The following CLEC2L variants were observed in gnomAD, a reference collection of about 807,000 sequenced individuals.
The protein encoded by CLEC2L is C-type lectin domain family 2 member L.
A neutral mutation model predicts 23.6 loss-of-function variants in CLEC2L; 14 were observed. The ratio of observed to expected loss-of-function variants is 0.59; its 90% CI spans 0.39 to 0.93. The LOEUF (loss-of-function observed/expected upper bound fraction) is 0.93. Among genes scored for constraint, CLEC2L ranks in the 40% least tolerant of loss-of-function variants. The probability of loss-of-function intolerance (pLI) is 0.00; values close to 1 mark genes in which losing one functional copy is unlikely to be tolerated. For synonymous variants in CLEC2L, 114 were observed against 121.3 expected (o/e 0.94, Z 0.40); for missense variants, 264 against 282.4 (o/e 0.93, Z 0.47).
chr7:139,524,107 G>A lies in CLEC2L; in HGVS notation c.180G>A (p.Ala60=). 5.7e-6 allele frequency: 7 copies of A among 1,227,656 alleles called. No homozygotes were observed. The highest frequency in any genetic ancestry group is 7.1e-6 in the Non-Finnish European group (7 of 982,654). 76.0% of individuals were successfully genotyped at this position (1,227,656 alleles called of 1,614,324 possible). A position where few individuals can be genotyped will look rare whatever the true frequency, so the allele number is the denominator to read the frequency against. ...SGYEGSTSWK[A]ALEDTTTRLL... is the part of the protein sequence containing the mutation. ...ACGAGGGCAGCACCAGCTGGAAGGC[G>A]GCCTTGGAGGGTAAGCGCGGAGCGG... is the stretch of plus-strand genomic sequence containing the variant. Residue 60 remains alanine (A), a synonymous_variant, in exon 1 of 5, where the codon GCG becomes GCA. Coordinates refer to ENST00000422142, the MANE Select transcript of CLEC2L (RefSeq NM_001080511.4).
At chr7:139,534,169 A>T in intron 1 of CLEC2L, 1 of 710,250 alleles carries the variant, frequency 1.4e-6, no homozygotes, top group Non-Finnish European at 2.6e-6. Flanking sequence ...TGATGGAGTT[A>T]GTCTTTCCTC....
intron 3 of CLEC2L, among the ~76,000 whole-genome samples, chr7:139,541,328 G>GA (rs540650022): frequency 0.083 from 12,013 of 144,062 alleles, 1,539 homozygotes; most frequent in African/African-American, 0.27. Flanking sequence ...GTCTCTTAAG[G>GA]AAAAAAAAAA....
chr7:139,542,737 A>G (rs1797754955), intron 4 of CLEC2L, among the ~76,000 whole-genome samples: 1 of 152,056 alleles, frequency 6.6e-6, no homozygotes, highest in South Asian at 2.1e-4. Flanking sequence ...GTAAGACTCA[A>G]GTGGAGTGGA....
At chr7:139,530,600 G>T (rs1417928153) in intron 1 of CLEC2L, among the ~76,000 whole-genome samples, 1 of 152,206 alleles carries the variant, frequency 6.6e-6, no homozygotes, top group East Asian at 1.9e-4. Flanking sequence ...ATCACCTGAG[G>T]TCAGGAGTTT....
At chr7:139,529,994 G>A (rs1569426077) in intron 1 of CLEC2L, among the ~76,000 whole-genome samples, 1 of 151,612 alleles carries the variant, frequency 6.6e-6, no homozygotes, top group African/African-American at 2.4e-5. Context: ...CTTGAGCCTG[G>A]GAGGTGGATG....
At chr7:139,537,833 A>G (rs1002504293) in intron 2 of CLEC2L, among the ~76,000 whole-genome samples, 12 of 152,238 alleles carry the variant, frequency 7.9e-5, no homozygotes, top group Admixed American at 3.9e-4. Context: ...CCTGAGAAAC[A>G]TAGAGTGTGT....
chr7:139,539,414 C>T lies in CLEC2L; in HGVS notation c.266-907C>T, dbSNP rs1797703672. On this transcript the variant is annotated intron_variant, in intron 2 of 4. Coordinates refer to ENST00000422142, the MANE Select transcript of CLEC2L (RefSeq NM_001080511.4). The surrounding 1 kb of genome is among the most constrained non-coding windows in gnomAD (Gnocchi z 4.1). The stretch of plus-strand genomic sequence containing the variant: ...AACAATCTAAGATTGTGGATTAATT[C>T]CTTTTGGCAAGGAGGCCCTTTGAGA... 1 of 152,178 alleles carries T rather than the reference C, an allele frequency of 6.6e-6. No individual in the cohort carries two copies. The highest frequency in any genetic ancestry group is 2.4e-5 in the African/African-American group (1 of 41,440). The allele number at this position is 152,178 out of a possible 1,614,324, so 9.4% of individuals were successfully genotyped here.
In CLEC2L at chr7:139,539,496, C is replaced by T. The variant is rs902944319; in HGVS notation, c.266-825C>T. 1.3e-4 allele frequency: 20 copies of T among 152,288 alleles called. No homozygotes were observed. Among genetic ancestry groups the T allele is most frequent in the Admixed American group, 7.2e-4 (11 of 15,296 alleles). 9.4% of individuals were successfully genotyped at this position (152,288 alleles called of 1,614,324 possible). ...GTATGCACATACCCGCCGATCTGTT[C>T]GTGGAAGCAGTCTGCAGACTGGAGA... On this transcript the variant is annotated intron_variant, in intron 2 of 4. Transcript: ENST00000422142. The surrounding 1 kb of genome is among the most constrained non-coding windows in gnomAD (Gnocchi z 4.1).
intron 1 of CLEC2L, among the ~76,000 whole-genome samples, chr7:139,531,933 GA>G (rs1470797451): frequency 4.6e-5 from 7 of 151,002 alleles, no homozygotes; most frequent in Non-Finnish European, 1.0e-4. Flanking sequence ...AAAAGAAAAA[GA>G]AAAAAAATTT....
chr7:139,524,220 G>A, intron 1 of CLEC2L, 103 bp downstream of exon 1: 4 of 1,040,092 alleles, frequency 3.8e-6, no homozygotes, highest in Non-Finnish European at 4.6e-6. Context: ...GTCCCGGAGG[G>A]GAGCGCTGGG....
Position 139,534,449 on chromosome 7 carries a change from G to A in CLEC2L, c.191-1825G>A, listed in dbSNP as rs923438607. On this transcript the variant is annotated intron_variant, in intron 1 of 4. Transcript: ENST00000422142. The stretch of plus-strand genomic sequence containing the variant: ...ATGATCTGGCAGACCTCAGCTGCCT[G>A]GTTTACCGAGCTGATACCCAGACAT... 53 of 838,902 alleles carry A rather than the reference G, an allele frequency of 6.3e-5. No homozygotes were observed. The East Asian group carries it at 1.0e-3, about 16-fold the overall frequency. 52.0% of individuals were successfully genotyped at this position (838,902 alleles called of 1,614,324 possible).
chr7:139,536,278 C>T lies in CLEC2L; in HGVS notation c.195C>T (p.Thr65=). 1 of 1,551,352 alleles carries T rather than the reference C, an allele frequency of 6.4e-7. No homozygotes were observed. Among genetic ancestry groups the T allele is most frequent in the Non-Finnish European group, 8.7e-7 (1 of 1,146,786 alleles). ...STSWKAALED[T]TTRLLLGAIA... is the part of the protein sequence containing the mutation. ...AACCCCTCTCTCTTCTCCTAGACACCACCACACGCCTCCTGCTGGGTGCCA... is the reference window on the plus strand; with the variant it reads ...AACCCCTCTCTCTTCTCCTAGACACTACCACACGCCTCCTGCTGGGTGCCA... The change falls in exon 2 of 5, where the codon ACC becomes ACT. Residue 65 remains threonine (T), a synonymous_variant. Coordinates refer to ENST00000422142, the MANE Select transcript of CLEC2L (RefSeq NM_001080511.4).
intron 1 of CLEC2L, among the ~76,000 whole-genome samples, chr7:139,526,748 G>A (rs372814236): frequency 6.6e-6 from 1 of 152,216 alleles, no homozygotes. Context: ...AGGCCCTGGA[G>A]TGTGGGCTGT....
At chr7:139,541,702 G>C (rs1438803630) in intron 3 of CLEC2L, among the ~76,000 whole-genome samples, 6 of 152,214 alleles carry the variant, frequency 3.9e-5, no homozygotes, top group Non-Finnish European at 7.3e-5. Context: ...CAGGAATGCT[G>C]TCCTGCTGAG....
chr7:139,529,686 G>A (rs765635480), intron 1 of CLEC2L, among the ~76,000 whole-genome samples: 1 of 152,206 alleles, frequency 6.6e-6, no homozygotes, highest in Non-Finnish European at 1.5e-5. Flanking sequence ...CAATAGGAAA[G>A]ACTGGAAATG....
chr7:139,535,070 T>C (rs756908991), intron 1 of CLEC2L, among the ~76,000 whole-genome samples: 1 of 152,018 alleles, frequency 6.6e-6, no homozygotes, highest in Admixed American at 6.5e-5. Context: ...CTTGAACAGA[T>C]ACTCATACAC....
At position 139,524,076 on chromosome 7, in the gene CLEC2L, CG is replaced by C. The variant is rs1797470536; in HGVS notation, c.152del (p.Gly51AlafsTer34). On this transcript the variant is annotated frameshift_variant, in exon 1 of 5. Coordinates refer to ENST00000422142, the MANE Select transcript of CLEC2L (RefSeq NM_001080511.4). LOFTEE classifies it high-confidence loss of function. Reference protein sequence around the residue: ...GPEGLLRRSGSGYEGSTSWKA... With the variant: ...GPEGLLRRSGXGYEGSTSWKA... ...GAGGGGCTGCTGCGGCGATCCGGGT[CG>C]GGCTACGAGGGCAGCACCAGCTGGA... 1 of 1,226,106 alleles carries C rather than the reference CG, an allele frequency of 8.2e-7. No individual in the cohort carries two copies. Among genetic ancestry groups the C allele is most frequent in the Non-Finnish European group, 1.0e-6 (1 of 982,062 alleles). The allele number at this position is 1,226,106 out of a possible 1,614,324, so 76.0% of individuals were successfully genotyped here.
At chr7:139,528,238 G>T (rs934943787) in intron 1 of CLEC2L, among the ~76,000 whole-genome samples, 1 of 152,188 alleles carries the variant, frequency 6.6e-6, no homozygotes, top group Admixed American at 6.5e-5. Flanking sequence ...CAGATTATTT[G>T]TAGTTAAGAT....
rs113343112 is a variant in CLEC2L at position 139,523,737 on chromosome 7, C to G, written c.-191C>G. ...TCGGCGGGGCAGGCGCTGAGCGCAC[C>G]GCGGCGGCACCCGGCGCAGAGGCTC... is the stretch of plus-strand genomic sequence containing the variant. On this transcript the variant is annotated 5_prime_UTR_variant, in exon 1 of 5. Coordinates refer to ENST00000422142, the MANE Select transcript of CLEC2L (RefSeq NM_001080511.4). This position sits in a 1 kb window ranked among gnomAD's most constrained non-coding sequence, Gnocchi z 4.1. The G allele has an allele frequency of 0.085, 18,488 of 218,442 alleles. 1,807 individuals are homozygous for G. Among genetic ancestry groups the G allele is most frequent in the African/African-American group, 0.28 (11,741 of 42,644 alleles). The allele number at this position is 218,442 out of a possible 1,614,324, so 13.5% of individuals were successfully genotyped here. A position where few individuals can be genotyped will look rare whatever the true frequency, so the allele number is the denominator to read the frequency against.
Sources: gnomAD v4.1 joint callset for allele counts (sites outside exome capture counted in the v4.1 genomes callset) on GRCh38, gnomAD v4.1.1 for gene constraint, Gnocchi (gnomAD v3.1) non-coding constraint, MANE v1.5 for transcripts, NCBI Gene and HGNC (gene_info 2026-07-23, HGNC 2026-07-21) for gene names.